ROBO2: variants seen among roughly 807,000 people sequenced by gnomAD.
ROBO2 encodes roundabout guidance receptor 2, also known as roundabout homolog 2.
Under a neutral mutation model 160.8 loss-of-function variants are expected in ROBO2, and 53 were observed. The ratio of observed to expected loss-of-function variants is 0.33; its 90% CI spans 0.26 to 0.41. The LOEUF (loss-of-function observed/expected upper bound fraction) is 0.41. Ranked by LOEUF, ROBO2 falls within the 10% of genes least tolerant of loss-of-function variation. ROBO2 has a pLI of 1.00. For missense variants in ROBO2, 1,577 were observed against 1,722.4 expected (o/e 0.92, Z 1.49); for synonymous variants, 664 against 611.7 (o/e 1.09, Z -1.26).
intron 2 of ROBO2, among the ~76,000 whole-genome samples, chr3:76,665,711 T>G (rs994531024): frequency 4.6e-4 from 69 of 151,606 alleles, no homozygotes; most frequent in African/African-American, 1.6e-3. Flanking sequence ...GACTCTGAGC[T>G]TAAAACATAA....
intron 1 of ROBO2, among the ~76,000 whole-genome samples, chr3:75,935,462 A>G (rs892167103): frequency 6.6e-6 from 1 of 152,102 alleles, no homozygotes; most frequent in Non-Finnish European, 1.5e-5. Flanking sequence ...GCAGTGAGCT[A>G]TGATCACACC....
At chr3:77,544,195 C>G (rs1160450594) in intron 6 of ROBO2, among the ~76,000 whole-genome samples, 1 of 149,968 alleles carries the variant, frequency 6.7e-6, no homozygotes. Flanking sequence ...AGAGTTTTCT[C>G]TAAAATAATT....
intron 2 of ROBO2, among the ~76,000 whole-genome samples, chr3:76,188,382 A>G (rs149428084): frequency 6.6e-6 from 1 of 152,130 alleles, no homozygotes; most frequent in African/African-American, 2.4e-5. Flanking sequence ...TACACAAAGG[A>G]GACGGGCATG....
At chr3:76,992,331 AT>A (rs1578106761) in intron 2 of ROBO2, among the ~76,000 whole-genome samples, 2 of 19,752 alleles carry the variant, frequency 1.0e-4, no homozygotes, top group East Asian at 0.011. Flanking sequence ...ATTACTATAT[AT>A]ATATATATAT....
At chr3:77,449,002 A>G (rs1182750754) in intron 2 of ROBO2, among the ~76,000 whole-genome samples, 1 of 152,174 alleles carries the variant, frequency 6.6e-6, no homozygotes, top group Non-Finnish European at 1.5e-5. Flanking sequence ...AATTGTTTAT[A>G]AAAGTTTTAG....
chr3:76,555,311 G>C (rs1206491576), intron 2 of ROBO2, among the ~76,000 whole-genome samples: 4 of 148,834 alleles, frequency 2.7e-5, no homozygotes, highest in African/African-American at 1.0e-4. Context: ...AGGTACCCAG[G>C]AGCATGTCAA....
chr3:76,723,410 C>T (rs1221033601), intron 2 of ROBO2, among the ~76,000 whole-genome samples: 1 of 152,100 alleles, frequency 6.6e-6, no homozygotes, highest in Non-Finnish European at 1.5e-5. Flanking sequence ...ACATAAGTGA[C>T]AAGACTATTT....
chr3:77,527,535 A>G (rs2091281956), intron 6 of ROBO2, 121 bp downstream of exon 7: 1 of 692,562 alleles, frequency 1.4e-6, no homozygotes, highest in African/African-American at 1.9e-5. Context: ...AATACTTGAG[A>G]CTGTATGCTG....
chr3:76,594,131 T>G (rs555764893), intron 2 of ROBO2, among the ~76,000 whole-genome samples: 1 of 152,108 alleles, frequency 6.6e-6, no homozygotes, highest in East Asian at 1.9e-4. Flanking sequence ...CCATTACAAG[T>G]ATACCTAAGA....
chr3:76,433,840 A>G (rs147991723), intron 2 of ROBO2, among the ~76,000 whole-genome samples: 51 of 152,360 alleles, frequency 3.3e-4, no homozygotes, highest in Middle Eastern at 6.8e-3. Flanking sequence ...CCTTAAAGAC[A>G]TAATTGCTAC....
At chr3:76,127,457 T>C (rs571726557) in intron 2 of ROBO2, among the ~76,000 whole-genome samples, 3 of 152,192 alleles carry the variant, frequency 2.0e-5, no homozygotes, top group African/African-American at 7.2e-5. Context: ...ATTATCTAAC[T>C]TATATAATTT....
intron 2 of ROBO2, among the ~76,000 whole-genome samples, chr3:76,829,124 C>T (rs531045919): frequency 1.3e-5 from 2 of 152,242 alleles, no homozygotes; most frequent in African/African-American, 2.4e-5. Context: ...TTGAACTCCA[C>T]CTTCCGTAAG....
At chr3:76,972,778 C>A (rs143817498) in intron 2 of ROBO2, among the ~76,000 whole-genome samples, 1 of 152,100 alleles carries the variant, frequency 6.6e-6, no homozygotes, top group East Asian at 1.9e-4. Context: ...AGGAATACAA[C>A]AAGCTATGAT....
chr3:77,122,167 G>A (rs11719274), intron 2 of ROBO2, among the ~76,000 whole-genome samples: 5,049 of 152,184 alleles, frequency 0.033, 117 homozygotes, highest in South Asian at 0.089. Flanking sequence ...TTGATTTACT[G>A]AGATGTAACT....
intron 2 of ROBO2, among the ~76,000 whole-genome samples, chr3:76,410,536 C>T (rs1310611338): frequency 6.6e-6 from 1 of 152,058 alleles, no homozygotes; most frequent in Admixed American, 6.6e-5. Context: ...AGTTCAGGTT[C>T]TCAGTTGTCT....
intron 2 of ROBO2, among the ~76,000 whole-genome samples, chr3:77,180,422 A>C (rs1257939452): frequency 8.0e-4 from 73 of 91,684 alleles, no homozygotes; most frequent in East Asian, 1.7e-3. Context: ...CTCTCTATAT[A>C]TATATATATG....
intron 2 of ROBO2, among the ~76,000 whole-genome samples, chr3:76,218,930 A>AACCAAAGCAGCATGATACTGGT (rs1380671457): frequency 3.9e-5 from 6 of 152,226 alleles, no homozygotes; most frequent in Non-Finnish European, 7.3e-5. Flanking sequence ...AGGCTACAGT[A>AACCAAAGCAGCATGATACTGGT]ACCAAAGCAG....
intron 2 of ROBO2, among the ~76,000 whole-genome samples, chr3:76,222,277 A>G (rs1348166633): frequency 6.6e-6 from 1 of 152,162 alleles, no homozygotes; most frequent in African/African-American, 2.4e-5. Flanking sequence ...GGCATAAGGT[A>G]GAAGGAGGGG....
At chr3:76,873,576 CGTCGTCGTCGTCGTT>C (rs1158138117) in intron 2 of ROBO2, among the ~76,000 whole-genome samples, 2 of 151,620 alleles carry the variant, frequency 1.3e-5, no homozygotes, top group African/African-American at 4.8e-5. Flanking sequence ...TAGTAGTAGT[CGTCGTCGTCGTCGTT>C]GTCGTCGTCG....
Sources: allele counts gnomAD v4.1 joint callset (sites outside exome capture counted in the v4.1 genomes callset), GRCh38; gene constraint gnomAD v4.1.1; transcripts MANE v1.5; gene names NCBI Gene and HGNC (gene_info 2026-07-23, HGNC 2026-07-21).